The following ABHD2 variants were observed in gnomAD, a reference collection of about 807,000 sequenced individuals.
The protein encoded by ABHD2 is monoacylglycerol lipase ABHD2.
ABHD2 carries 20 observed loss-of-function variants against 48.1 expected under a neutral mutation model. The ratio of observed to expected loss-of-function variants is 0.42; its 90% CI spans 0.29 to 0.60. The LOEUF (loss-of-function observed/expected upper bound fraction) is 0.60, where lower values mean the gene tolerates loss of function less well. Among genes scored for constraint, ABHD2 ranks in the 20% least tolerant of loss-of-function variants. The probability of loss-of-function intolerance (pLI) is 0.24; values close to 1 mark genes in which losing one functional copy is unlikely to be tolerated. For synonymous variants in ABHD2, 209 were observed against 214.2 expected (o/e 0.98, Z 0.21); for missense variants, 405 against 550.9 (o/e 0.74, Z 2.65).
chr15:89,065,095 G>C, the ABHD2 span, among the ~76,000 whole-genome samples: 2 of 152,152 alleles, frequency 1.3e-5, no homozygotes, highest in Non-Finnish European at 2.9e-5. Flanking sequence ...AAACATGGGT[G>C]CTATGGGCAT....
At chr15:89,157,120 GTTTA>G (rs1026141594) in intron 5 of ABHD2, among the ~76,000 whole-genome samples, 3 of 152,100 alleles carry the variant, frequency 2.0e-5, no homozygotes, top group Admixed American at 6.5e-5. Context: ...CTCTGTTATA[GTTTA>G]TTTAACCATT....
chr15:89,101,139 C>T (rs190258575), intron 1 of ABHD2, among the ~76,000 whole-genome samples: 30 of 152,272 alleles, frequency 2.0e-4, no homozygotes, highest in Non-Finnish European at 3.1e-4. Flanking sequence ...CTTCTGCTAC[C>T]TCCAACATCC....
the ABHD2 span, chr15:89,082,394 C>T: frequency 6.6e-6 from 1 of 152,198 alleles, no homozygotes; most frequent in Non-Finnish European, 1.5e-5. This position sits in a 1 kb window ranked among gnomAD's most constrained non-coding sequence, Gnocchi z 4.4. Context: ...TATCTGGCCT[C>T]CACCACCAGC....
chr15:89,135,439 A>G (rs935516535), intron 3 of ABHD2: 1 of 661,262 alleles, frequency 1.5e-6, no homozygotes, highest in South Asian at 1.8e-5. Flanking sequence ...GTTTAAAAAC[A>G]AATCTTACAC....
the ABHD2 span, among the ~76,000 whole-genome samples, chr15:89,047,481 A>G: frequency 6.6e-6 from 1 of 150,392 alleles, no homozygotes; most frequent in Non-Finnish European, 1.5e-5. Flanking sequence ...TGATCTGTCT[A>G]ATGTTGACAG....
intron 7 of ABHD2, among the ~76,000 whole-genome samples, chr15:89,187,036 G>T (rs1328127116): frequency 6.6e-6 from 1 of 152,246 alleles, no homozygotes; most frequent in Non-Finnish European, 1.5e-5. Context: ...TGTGTGCTGG[G>T]CACTGAGGTG....
chr15:89,064,428 C>G, the ABHD2 span, among the ~76,000 whole-genome samples: 3 of 151,904 alleles, frequency 2.0e-5, no homozygotes, highest in Admixed American at 2.0e-4. Flanking sequence ...CGGGGTTTCA[C>G]CGTGTTAGCC....
At chr15:89,148,418 A>G (rs974837911) in intron 3 of ABHD2, among the ~76,000 whole-genome samples, 2 of 152,142 alleles carry the variant, frequency 1.3e-5, no homozygotes, top group East Asian at 1.9e-4. Flanking sequence ...TTGCCCATCA[A>G]AGTGGCCAGA....
the ABHD2 span, among the ~76,000 whole-genome samples, chr15:89,081,973 G>A: frequency 6.6e-6 from 1 of 152,118 alleles, no homozygotes; most frequent in African/African-American, 2.4e-5. Context: ...CGGCCCACAA[G>A]GTTTCTCAAC....
chr15:89,067,433 G>A, the ABHD2 span, among the ~76,000 whole-genome samples: 1 of 152,234 alleles, frequency 6.6e-6, no homozygotes, highest in Non-Finnish European at 1.5e-5. Context: ...AAGCCAGCAA[G>A]TCTAGACACA....
rs2049636252 is a variant in ABHD2 at position 89,097,776 on chromosome 15, A to G, written c.-107+9213A>G. ...AGATCTTTTATGTGTGTCCCAGCAA[A>G]TGTGTATGCATCTATATTCTTTTTC... On this transcript the variant is annotated intron_variant, in intron 1 of 10. Transcript: ENST00000352732. The surrounding 1 kb of genome is among the most constrained non-coding windows in gnomAD (Gnocchi z 4.2). 1.3e-5 allele frequency among the ~76,000 whole-genome samples: 2 copies of G among 152,176 alleles called. No homozygotes were observed. The highest frequency in any genetic ancestry group is 2.9e-5 in the Non-Finnish European group (2 of 68,030).
the ABHD2 span, among the ~76,000 whole-genome samples, chr15:89,073,135 G>A: frequency 6.6e-6 from 1 of 151,958 alleles, no homozygotes; most frequent in Non-Finnish European, 1.5e-5. Context: ...CTTTTTGAGG[G>A]GCCTGGGACA....
In ABHD2 at chr15:89,095,787, G is replaced by A. The variant is rs188843744; in HGVS notation, c.-107+7224G>A. Among the ~76,000 whole-genome samples the A allele has an allele frequency of 1.6e-3, 247 of 152,176 alleles. 3 individuals carry two copies. Among genetic ancestry groups the A allele is most frequent in the African/African-American group, 5.6e-3 (234 of 41,500 alleles). On this transcript the variant is annotated intron_variant, in intron 1 of 10. Transcript: ENST00000352732. ...AGGATGTGTCCTTGAGGTTCCTTGG[G>A]TTCTCATTAGATTACAAACTCAGAC...
the ABHD2 span, among the ~76,000 whole-genome samples, chr15:89,052,519 A>G: frequency 1.0e-5 from 1 of 95,744 alleles, no homozygotes; most frequent in African/African-American, 3.5e-5. Flanking sequence ...GTTTGGACCC[A>G]GAGACAGACA....
chr15:89,153,956 C>G (rs2050632132), intron 4 of ABHD2, among the ~76,000 whole-genome samples: 1 of 152,140 alleles, frequency 6.6e-6, no homozygotes, highest in African/African-American at 2.4e-5. Flanking sequence ...TATAATTAAA[C>G]CATTCTTCTA....
chr15:89,042,914 C>T, the ABHD2 span, among the ~76,000 whole-genome samples: 2,126 of 152,172 alleles, frequency 0.014, 17 homozygotes, highest in Non-Finnish European at 0.022. Context: ...GTGATCCACC[C>T]GCCTCAACTT....
At chr15:89,064,381 G>T in the ABHD2 span, among the ~76,000 whole-genome samples, 2 of 151,780 alleles carry the variant, frequency 1.3e-5, no homozygotes, top group Admixed American at 6.6e-5. Context: ...TACCACGCCC[G>T]GCTAATTTTT....
rs1365157838 is a variant in ABHD2, at chr15:89,196,727, C to A, written c.*1304C>A. 2 of 152,232 alleles carry A rather than the reference C, an allele frequency of 1.3e-5. No individual in the cohort carries two copies. Among genetic ancestry groups the A allele is most frequent in the African/African-American group, 2.4e-5 (1 of 41,388 alleles). 9.4% of individuals were successfully genotyped at this position (152,232 alleles called of 1,614,324 possible). ...ATCTGAGTTTGGAGAAAGATATTTCCAACCTAAGTGGGTATTATTTTGAAA... is the reference window on the plus strand; with the variant it reads ...ATCTGAGTTTGGAGAAAGATATTTCAAACCTAAGTGGGTATTATTTTGAAA... On this transcript the variant is annotated 3_prime_UTR_variant, in exon 11 of 11. Coordinates refer to ENST00000352732, the MANE Select transcript of ABHD2 (RefSeq NM_152924.5).
At chr15:89,153,223 G>A (rs984112258) in intron 4 of ABHD2, among the ~76,000 whole-genome samples, 31 of 152,064 alleles carry the variant, frequency 2.0e-4, no homozygotes, top group Non-Finnish European at 5.9e-5. Context: ...TTAGTTCTTC[G>A]TGGTAGCTTC....
Sources: gnomAD v4.1 joint callset for allele counts (sites outside exome capture counted in the v4.1 genomes callset) on GRCh38, gnomAD v4.1.1 for gene constraint, Gnocchi (gnomAD v3.1) non-coding constraint, MANE v1.5 for transcripts, NCBI Gene and HGNC (gene_info 2026-07-23, HGNC 2026-07-21) for gene names.